The following TRIM36 variants were observed in gnomAD, a reference collection of about 807,000 sequenced individuals.
The protein encoded by TRIM36 is tripartite motif containing 36, also known as E3 ubiquitin-protein ligase TRIM36.
TRIM36 carries 42 observed loss-of-function variants against 72.4 expected under a neutral mutation model. That is an observed-to-expected ratio of 0.58 (90% CI 0.45 to 0.75). TRIM36 has a LOEUF of 0.75. Among genes scored for constraint, TRIM36 ranks in the 30% least tolerant of loss-of-function variants. TRIM36 has a pLI of 0.00. For synonymous variants in TRIM36, 315 were observed against 282.8 expected, an observed-to-expected ratio of 1.11 and a Z score of -1.14; for missense variants, 913 against 857.1, an observed-to-expected ratio of 1.07 and a Z score of -0.81.
Position 115,125,305 on chromosome 5 carries a change from CA to C in TRIM36, c.*1197del. On this transcript the variant is annotated 3_prime_UTR_variant, in exon 10 of 10. Coordinates refer to ENST00000513154, the MANE Select transcript of TRIM36 (RefSeq NM_001300759.2). ...CCACCTACTTGAAAGCAACACCTTT[CA>C]AAAACAGACACACAATTTAGATAGA... 1 of 152,178 alleles carries C rather than the reference CA, an allele frequency of 6.6e-6. No homozygotes were observed. Among genetic ancestry groups the C allele is most frequent in the South Asian group, 2.1e-4 (1 of 4,832 alleles). 9.4% of individuals were successfully genotyped at this position (152,178 alleles called of 1,614,324 possible).
intron 7 of TRIM36, among the ~76,000 whole-genome samples, chr5:115,134,494 T>C (rs977911753): frequency 3.0e-4 from 45 of 152,106 alleles, no homozygotes; most frequent in Admixed American, 2.6e-3. Flanking sequence ...AACAAACTAT[T>C]ATTTTAATAT....
At chr5:115,170,722 ATG>A (rs1281710638), upstream of TRIM36, among the ~76,000 whole-genome samples, 13 of 152,262 alleles carry the variant, frequency 8.5e-5, no homozygotes, top group Admixed American at 5.2e-4. Flanking sequence ...CCTCTCCCGG[ATG>A]CTGGCCAGGG....
chr5:115,174,696 C>T (rs910834179), upstream of TRIM36, among the ~76,000 whole-genome samples: 2 of 152,114 alleles, frequency 1.3e-5, no homozygotes, highest in African/African-American at 4.8e-5. Flanking sequence ...TGATTATCTC[C>T]CTCTATTCTG....
rs1385955432 is a variant in TRIM36, at chr5:115,126,192, A to G, written c.*311T>C. On this transcript the variant is annotated 3_prime_UTR_variant, in exon 10 of 10. Transcript: ENST00000513154. ...CTTTTGTATCCCCCCCACCATAAGG[A>G]AAGTGTCAGCAACACCAGCTGACAG... 2 of 258,878 alleles carry G rather than the reference A, an allele frequency of 7.7e-6. No homozygotes were observed. The highest frequency in any genetic ancestry group is 1.5e-5 in the Non-Finnish European group (2 of 135,802). 16.0% of individuals were successfully genotyped at this position (258,878 alleles called of 1,614,324 possible).
At chr5:115,145,550 A>G (rs1308477080) in intron 3 of TRIM36, among the ~76,000 whole-genome samples, 1 of 144,452 alleles carries the variant, frequency 6.9e-6, no homozygotes, top group East Asian at 1.9e-4. Flanking sequence ...TTTTTGAGAC[A>G]GAGTCTCGCT....
intron 2 of TRIM36, among the ~76,000 whole-genome samples, chr5:115,154,923 T>C (rs564822304): frequency 1.3e-5 from 2 of 151,922 alleles, no homozygotes; most frequent in Non-Finnish European, 2.9e-5. Flanking sequence ...CTCACGATTG[T>C]AATCCCAGCA....
At chr5:115,139,686 G>T (rs181488788) in intron 5 of TRIM36, among the ~76,000 whole-genome samples, 1 of 152,194 alleles carries the variant, frequency 6.6e-6, no homozygotes, top group East Asian at 1.9e-4. Context: ...AAAAGACAGT[G>T]TCACCATCAT....
At chr5:115,167,769 T>G (rs1423996089) in intron 1 of TRIM36, among the ~76,000 whole-genome samples, 1 of 152,228 alleles carries the variant, frequency 6.6e-6, no homozygotes. Flanking sequence ...CAAAGTCACT[T>G]CCACATTGTT....
intron 8 of TRIM36, among the ~76,000 whole-genome samples, chr5:115,132,806 T>C (rs1387220927): frequency 6.6e-6 from 1 of 152,186 alleles, no homozygotes; most frequent in Non-Finnish European, 1.5e-5. Context: ...AGCAGTTATG[T>C]CCAGGTTTTT....
intron 4 of TRIM36, among the ~76,000 whole-genome samples, chr5:115,143,108 TTG>T (rs1310917441): frequency 6.6e-6 from 1 of 151,538 alleles, no homozygotes; most frequent in Non-Finnish European, 1.5e-5. Context: ...TCATCAACTC[TTG>T]TGTGTGAGGA....
rs1190793949 is a variant in TRIM36, at chr5:115,137,604, T to C, written c.844A>G (p.Arg282Gly). 6.2e-7 allele frequency: 1 copy of C among 1,605,598 alleles called. No individual in the cohort carries two copies. The highest frequency in any genetic ancestry group is 1.3e-5 in the African/African-American group (1 of 74,634). The change falls in exon 6 of 10, where the codon AGG (arginine) becomes GGG (glycine). Residue 282 changes from arginine to glycine, a missense_variant. Transcript: ENST00000513154. ...TGTGTAATTGCTTCTTCTTTAGCCCTCTCTCCATTACACTAAGAAAAAACA... is the reference window on the plus strand; with the variant it reads ...TGTGTAATTGCTTCTTCTTTAGCCCCCTCTCCATTACACTAAGAAAAAACA... ...LMKETECNGE[R>G]AKEEAITHFE...
rs947112829 is a variant in TRIM36 at position 115,125,330 on chromosome 5, G to A, written c.*1173C>T. 30 of 152,180 alleles carry A rather than the reference G, an allele frequency of 2.0e-4. No homozygotes were observed. The East Asian group carries it at 5.8e-3, about 29-fold the overall frequency. The allele number at this position is 152,180 out of a possible 1,614,324, so 9.4% of individuals were successfully genotyped here. A position where few individuals can be genotyped will look rare whatever the true frequency, so the allele number is the denominator to read the frequency against. On this transcript the variant is annotated 3_prime_UTR_variant, in exon 10 of 10. Transcript: ENST00000513154. ...CAAAAACAGACACACAATTTAGATA[G>A]AATGTAATTCCTCAAATTAAAAGAT...
chr5:115,134,618 C>T (rs752791839), intron 7 of TRIM36, among the ~76,000 whole-genome samples: 3 of 151,960 alleles, frequency 2.0e-5, no homozygotes, highest in Non-Finnish European at 2.9e-5. Context: ...TCAGCTCACT[C>T]CAACCTCTGT....
chr5:115,169,829 G>A lies in TRIM36; in HGVS notation c.-195C>T, dbSNP rs953361230. 4 of 1,324,400 alleles carry A rather than the reference G, an allele frequency of 3.0e-6. No individual in the cohort carries two copies. Among genetic ancestry groups the A allele is most frequent in the Admixed American group, 3.6e-5 (1 of 27,810 alleles). The allele number at this position is 1,324,400 out of a possible 1,614,324, so 82.0% of individuals were successfully genotyped here. On this transcript the variant is annotated 5_prime_UTR_variant, in exon 1 of 10. Coordinates refer to ENST00000513154, the MANE Select transcript of TRIM36 (RefSeq NM_001300759.2). ...GGGGCAGGCAAAAGCACAGGCGCGG[G>A]AGAAGCGAGCTTTGCTCCCAGCGAC... is the stretch of plus-strand genomic sequence containing the variant.
chr5:115,170,266 C>A (rs1755039449), upstream of TRIM36, among the ~76,000 whole-genome samples: 1 of 152,128 alleles, frequency 6.6e-6, no homozygotes, highest in Non-Finnish European at 1.5e-5. Context: ...GGGGAGGCTC[C>A]GCTGCAGCAG....
chr5:115,173,199 G>A (rs994854811), upstream of TRIM36, among the ~76,000 whole-genome samples: 41 of 152,160 alleles, frequency 2.7e-4, no homozygotes, highest in African/African-American at 9.6e-4. Flanking sequence ...TTAAAATCCT[G>A]GTGGGTTTTG....
At chr5:115,154,079 A>C (rs1242606800) in intron 2 of TRIM36, among the ~76,000 whole-genome samples, 2 of 144,948 alleles carry the variant, frequency 1.4e-5, no homozygotes, top group Admixed American at 6.9e-5. Flanking sequence ...CTCCTGAATG[A>C]GCACAGGGTC....
At chr5:115,131,225 A>T (rs1042612170) in intron 8 of TRIM36, among the ~76,000 whole-genome samples, 1 of 152,220 alleles carries the variant, frequency 6.6e-6, no homozygotes, top group African/African-American at 2.4e-5. Context: ...TTTATTAAAG[A>T]TAAAAAATAA....
At chr5:115,130,292 G>A (rs570276021) in intron 9 of TRIM36, among the ~76,000 whole-genome samples, 11 of 152,158 alleles carry the variant, frequency 7.2e-5, no homozygotes, top group Non-Finnish European at 1.3e-4. Flanking sequence ...TTATATACGT[G>A]GGTAATTTTT....
Sources: gnomAD v4.1 joint callset for allele counts (sites outside exome capture counted in the v4.1 genomes callset) on GRCh38, gnomAD v4.1.1 for gene constraint, MANE v1.5 for transcripts, NCBI Gene and HGNC (gene_info 2026-07-23, HGNC 2026-07-21) for gene names.